The following PRR16 variants were observed in gnomAD, a reference collection of about 807,000 sequenced individuals.
PRR16 encodes the protein proline rich 16, also known as protein Largen.
In PRR16, 6 loss-of-function variants were observed where a neutral mutation model predicts 18.2. That is an observed-to-expected ratio of 0.33 (90% confidence interval 0.18 to 0.65). PRR16 has a LOEUF of 0.65. Among genes scored for constraint, PRR16 ranks in the 30% least tolerant of loss-of-function variants. The pLI is 0.74. For missense variants in PRR16, 412 were observed against 376.6 expected, an observed-to-expected ratio of 1.09 and a Z score of -0.78; for synonymous variants, 151 against 147.8, an observed-to-expected ratio of 1.02 and a Z score of -0.16.
intron 1 of PRR16, among the ~76,000 whole-genome samples, chr5:120,591,675 T>A (rs906941773): frequency 2.0e-5 from 3 of 152,144 alleles, no homozygotes; most frequent in Non-Finnish European, 2.9e-5. Flanking sequence ...TTTGTATAAT[T>A]ACTTTCTGTT....
At chr5:120,761,395 T>C in the PRR16 span, among the ~76,000 whole-genome samples, 1 of 152,078 alleles carries the variant, frequency 6.6e-6, no homozygotes. Flanking sequence ...TTTTTCCCCT[T>C]GGCAAAACTA....
At chr5:120,570,904 A>G (rs1752885461) in intron 1 of PRR16, among the ~76,000 whole-genome samples, 1 of 152,152 alleles carries the variant, frequency 6.6e-6, no homozygotes, top group Admixed American at 6.5e-5. Flanking sequence ...ATTATAAAAA[A>G]AGTATGAGAC....
intron 1 of PRR16, among the ~76,000 whole-genome samples, chr5:120,636,264 C>G (rs1755223642): frequency 1.3e-5 from 2 of 151,686 alleles, no homozygotes; most frequent in Non-Finnish European, 2.9e-5. Context: ...CTTCACAAAA[C>G]TAGAAAAAAA....
intron 1 of PRR16, among the ~76,000 whole-genome samples, chr5:120,614,958 G>C (rs1001919315): frequency 6.6e-6 from 1 of 152,148 alleles, no homozygotes; most frequent in Non-Finnish European, 1.5e-5. Context: ...CCAAGTTCTT[G>C]GTTCAGAATT....
the PRR16 span, among the ~76,000 whole-genome samples, chr5:120,768,326 G>A: frequency 8.2e-3 from 1,239 of 151,460 alleles, 7 homozygotes; most frequent in Middle Eastern, 0.027. Context: ...TAATTTATTC[G>A]TTATTTTCTC....
chr5:120,646,947 A>G (rs1210630474), intron 1 of PRR16, among the ~76,000 whole-genome samples: 1 of 152,014 alleles, frequency 6.6e-6, no homozygotes, highest in East Asian at 1.9e-4. Context: ...TTGCAGAGAC[A>G]GCATGTTATA....
At chr5:120,519,052 T>C (rs1045148158) in intron 1 of PRR16, among the ~76,000 whole-genome samples, 2 of 152,004 alleles carry the variant, frequency 1.3e-5, no homozygotes, top group African/African-American at 4.8e-5. Flanking sequence ...GATTGAACCT[T>C]CCCCCATTCT....
At chr5:120,791,880 A>G in the PRR16 span, among the ~76,000 whole-genome samples, 1 of 152,154 alleles carries the variant, frequency 6.6e-6, no homozygotes, top group South Asian at 2.1e-4. Context: ...CCTGGTACTT[A>G]GAATACCTTG....
At chr5:120,591,766 A>G (rs966509786) in intron 1 of PRR16, among the ~76,000 whole-genome samples, 5 of 152,104 alleles carry the variant, frequency 3.3e-5, no homozygotes, top group Non-Finnish European at 7.4e-5. Context: ...ATAGCAATTG[A>G]TATGTCATAT....
intron 1 of PRR16, among the ~76,000 whole-genome samples, chr5:120,684,656 G>A (rs1757066119): frequency 6.6e-6 from 1 of 152,190 alleles, no homozygotes; most frequent in South Asian, 2.1e-4. Context: ...GTAAATGACT[G>A]AGGACCCTGA....
At chr5:120,537,105 C>A (rs1411729325) in intron 1 of PRR16, among the ~76,000 whole-genome samples, 2 of 152,070 alleles carry the variant, frequency 1.3e-5, no homozygotes, top group Admixed American at 1.3e-4. Context: ...GGCTTAATAC[C>A]TGGGTCATGG....
chr5:120,515,396 T>A (rs927503161), intron 1 of PRR16, among the ~76,000 whole-genome samples: 5 of 152,220 alleles, frequency 3.3e-5, no homozygotes, highest in African/African-American at 1.2e-4. Flanking sequence ...AAAAATGTCA[T>A]ATATTTTATC....
intron 1 of PRR16, among the ~76,000 whole-genome samples, chr5:120,557,682 C>G (rs140095793): frequency 6.6e-6 from 1 of 151,836 alleles, no homozygotes; most frequent in African/African-American, 2.4e-5. Context: ...TTCCTATGGT[C>G]TCTTTTTATT....
chr5:120,528,968 G>C (rs1011968452), intron 1 of PRR16, among the ~76,000 whole-genome samples: 4 of 152,108 alleles, frequency 2.6e-5, no homozygotes, highest in Non-Finnish European at 5.9e-5. Flanking sequence ...TACTTGGCTG[G>C]TATTTTGTAT....
downstream of PRR16, among the ~76,000 whole-genome samples, chr5:120,689,363 T>C (rs1171208901): frequency 6.6e-6 from 1 of 152,150 alleles, no homozygotes; most frequent in Non-Finnish European, 1.5e-5. Flanking sequence ...AAACTTGTAA[T>C]TAAAGTATCA....
chr5:120,481,109 T>G, intron 1 of PRR16: 1 of 1,186,894 alleles, frequency 8.4e-7, no homozygotes, highest in African/African-American at 1.6e-5. Flanking sequence ...AATTTTCAAA[T>G]TAAACACAGC....
rs558893915 is a variant in PRR16, at chr5:120,607,398, A to T, written c.160-78556A>T. Among the ~76,000 whole-genome samples the T allele has an allele frequency of 2.6e-5, 4 of 152,266 alleles. No homozygotes were observed. The East Asian group carries it at 5.8e-4, about 22-fold the overall frequency. On this transcript the variant is annotated intron_variant, in intron 1 of 1. Coordinates refer to ENST00000407149, the MANE Select transcript of PRR16 (RefSeq NM_001300783.2). ...CTGTAAATGGAAGAAACTAAAACAA[A>T]CTTTTTATGTTTTTCTCTTTTGGAG...
the PRR16 span, among the ~76,000 whole-genome samples, chr5:120,750,329 C>T: frequency 1.3e-5 from 2 of 152,068 alleles, no homozygotes; most frequent in South Asian, 4.2e-4. Context: ...TACTTTTACC[C>T]CGTCAACATA....
rs570840064 is a variant in PRR16, at chr5:120,663,920, A to G, written c.160-22034A>G. On this transcript the variant is annotated intron_variant, in intron 1 of 1. Transcript: ENST00000407149. ...AAGGTAACTATTGTTTACTGATAAT[A>G]AATATTGAAGTTGTGGAATTAATTT... 3.3e-5 allele frequency among the ~76,000 whole-genome samples: 5 copies of G among 152,160 alleles called. No homozygotes were observed. In the South Asian group the frequency reaches 8.3e-4, roughly 25 times the overall value.
Sources: gnomAD v4.1 joint callset for allele counts (sites outside exome capture counted in the v4.1 genomes callset) on GRCh38, gnomAD v4.1.1 for gene constraint, MANE v1.5 for transcripts, NCBI Gene and HGNC (gene_info 2026-07-23, HGNC 2026-07-21) for gene names.